The following MYRIP variants were observed in gnomAD, a reference collection of about 807,000 sequenced individuals.
MYRIP encodes the protein rab effector MyRIP.
A neutral mutation model predicts 98.0 loss-of-function variants in MYRIP; 49 were observed. The ratio of observed to expected loss-of-function variants is 0.50; its 90% CI spans 0.40 to 0.63. The LOEUF (loss-of-function observed/expected upper bound fraction) is 0.63, where lower values mean the gene tolerates loss of function less well. MYRIP is among the 30% of genes least tolerant of loss of function. The pLI is 0.00. For synonymous variants in MYRIP, 404 were observed against 409.5 expected, an observed-to-expected ratio of 0.99 and a Z score of 0.16; for missense variants, 1,004 against 1,058.2, an observed-to-expected ratio of 0.95 and a Z score of 0.71.
chr3:39,810,096 G>A (rs1940618542), intron 1 of MYRIP, among the ~76,000 whole-genome samples, 180 bp downstream of exon 1: 1 of 152,224 alleles, frequency 6.6e-6, no homozygotes, highest in South Asian at 2.1e-4. Context: ...CTCTGCGGAG[G>A]GGCGAGGGGC....
chr3:40,025,692 C>T (rs542152131), intron 2 of MYRIP, among the ~76,000 whole-genome samples: 8 of 152,108 alleles, frequency 5.3e-5, no homozygotes, highest in Non-Finnish European at 1.0e-4. Flanking sequence ...AGCTGGGCCA[C>T]GGAGGGTGTC....
chr3:40,118,746 TC>T (rs1949334517), intron 3 of MYRIP, among the ~76,000 whole-genome samples: 1 of 151,662 alleles, frequency 6.6e-6, no homozygotes, highest in Non-Finnish European at 1.5e-5. Flanking sequence ...ATGCTATCCC[TC>T]CCCCCTCCTC....
intron 9 of MYRIP, among the ~76,000 whole-genome samples, chr3:40,189,571 G>A (rs1174237451): frequency 1.3e-5 from 2 of 152,176 alleles, no homozygotes; most frequent in Non-Finnish European, 2.9e-5. Context: ...ATCAACCCTG[G>A]TAGACTGAAA....
intron 11 of MYRIP, among the ~76,000 whole-genome samples, chr3:40,212,703 T>C (rs994046102): frequency 1.3e-5 from 2 of 152,174 alleles, no homozygotes; most frequent in African/African-American, 4.8e-5. Context: ...TTGAGGCTCA[T>C]CACTGGACTC....
intron 3 of MYRIP, among the ~76,000 whole-genome samples, chr3:40,116,959 C>A (rs1189817850): frequency 2.0e-5 from 3 of 152,092 alleles, no homozygotes; most frequent in African/African-American, 7.2e-5. Context: ...TGAGTGGAGG[C>A]CCAACCTCTG....
intron 2 of MYRIP, among the ~76,000 whole-genome samples, chr3:39,939,288 A>G (rs1011760380): frequency 1.3e-5 from 2 of 152,206 alleles, no homozygotes; most frequent in African/African-American, 4.8e-5. Context: ...AAGAGCAGCC[A>G]GTTCAAAGCA....
At chr3:40,023,183 A>G (rs368572643) in intron 2 of MYRIP, among the ~76,000 whole-genome samples, 3 of 152,342 alleles carry the variant, frequency 2.0e-5, no homozygotes, top group South Asian at 4.1e-4. Flanking sequence ...TCAGGAGAAC[A>G]GAATGGTCAC....
rs1181403545 is a variant in MYRIP at position 40,166,897 on chromosome 3, C to G, written c.602C>G (p.Ala201Gly). 6.2e-7 allele frequency: 1 copy of G among 1,613,970 alleles called. No individual in the cohort carries two copies. Among genetic ancestry groups the G allele is most frequent in the Admixed American group, 1.7e-5 (1 of 59,998 alleles). Residue 201 changes from alanine to glycine, a missense_variant, in exon 6 of 17, where the codon GCC becomes GGC. Transcript: ENST00000302541. Reference sequence around the variant, plus strand: ...GTGGCCCTACGGGTGGCTGAAGAGGCCATTGAGGAAGCAATTTCCAAAGCA... The same window carrying G: ...GTGGCCCTACGGGTGGCTGAAGAGGGCATTGAGGAAGCAATTTCCAAAGCA... ...LAVALRVAEEAIEEAISKAEA... is the reference protein window; with the variant it reads ...LAVALRVAEEGIEEAISKAEA...
At chr3:39,890,880 T>C (rs543327731) in intron 1 of MYRIP, among the ~76,000 whole-genome samples, 1 of 152,216 alleles carries the variant, frequency 6.6e-6, no homozygotes, top group East Asian at 1.9e-4. Flanking sequence ...TTCAAACAAG[T>C]GTTGGCACCT....
At chr3:40,252,470 G>A (rs1953406454) in intron 16 of MYRIP, among the ~76,000 whole-genome samples, 1 of 152,102 alleles carries the variant, frequency 6.6e-6, no homozygotes, top group Non-Finnish European at 1.5e-5. Context: ...TTAGACAAAA[G>A]TATAGGCGAT....
intron 12 of MYRIP, among the ~76,000 whole-genome samples, chr3:40,241,921 A>G (rs929789193): frequency 1.3e-5 from 2 of 152,262 alleles, no homozygotes; most frequent in African/African-American, 2.4e-5. Flanking sequence ...AGCCAGCCAC[A>G]GAGCCAATAT....
At chr3:40,077,641 A>C (rs989174554) in intron 3 of MYRIP, among the ~76,000 whole-genome samples, 2 of 152,194 alleles carry the variant, frequency 1.3e-5, no homozygotes, top group African/African-American at 4.8e-5. Context: ...CTAGATACAG[A>C]GTGCCAACTG....
chr3:40,254,736 C>G (rs1212252272), intron 16 of MYRIP, among the ~76,000 whole-genome samples: 1 of 152,064 alleles, frequency 6.6e-6, no homozygotes, highest in African/African-American at 2.4e-5. Flanking sequence ...TTGGGAACCC[C>G]CCCAGATTTA....
chr3:40,147,336 C>A (rs1468074623), intron 3 of MYRIP, among the ~76,000 whole-genome samples: 3 of 152,296 alleles, frequency 2.0e-5, no homozygotes, highest in African/African-American at 7.2e-5. Context: ...GGGAAATTAG[C>A]ATCTCTGAAC....
intron 1 of MYRIP, among the ~76,000 whole-genome samples, chr3:39,868,186 A>G (rs964276664): frequency 6.6e-6 from 1 of 152,220 alleles, no homozygotes; most frequent in Admixed American, 6.5e-5. Flanking sequence ...GGTAGAAAGC[A>G]ATGGCTCTGT....
intron 2 of MYRIP, among the ~76,000 whole-genome samples, chr3:39,920,241 T>C (rs1328837793): frequency 1.1e-4 from 17 of 151,094 alleles, no homozygotes; most frequent in Non-Finnish European, 4.4e-5. Context: ...TCCATAATTA[T>C]AGATACCTTT....
chr3:39,878,574 AGAG>A, intron 1 of MYRIP, among the ~76,000 whole-genome samples: 1 of 152,006 alleles, frequency 6.6e-6, no homozygotes, highest in Non-Finnish European at 1.5e-5. Flanking sequence ...ATATATACAC[AGAG>A]GTGTATATAT....
At chr3:39,831,183 A>C (rs150861221) in intron 1 of MYRIP, among the ~76,000 whole-genome samples, 6 of 152,222 alleles carry the variant, frequency 3.9e-5, no homozygotes, top group Admixed American at 1.3e-4. Context: ...CCCAGGACTC[A>C]GGCTTTAATC....
At chr3:39,853,961 T>A (rs1321006349) in intron 1 of MYRIP, among the ~76,000 whole-genome samples, 1 of 152,208 alleles carries the variant, frequency 6.6e-6, no homozygotes, top group Non-Finnish European at 1.5e-5. Flanking sequence ...AGTTTTACTC[T>A]TCTCCATGTG....
Sources: gnomAD v4.1 joint callset for allele counts (sites outside exome capture counted in the v4.1 genomes callset) on GRCh38, gnomAD v4.1.1 for gene constraint, MANE v1.5 for transcripts, NCBI Gene and HGNC (gene_info 2026-07-23, HGNC 2026-07-21) for gene names.